The following WIPI1 variants were observed in gnomAD, a reference collection of about 807,000 sequenced individuals.
WIPI1 encodes WD repeat domain, phosphoinositide interacting 1, also known as WD repeat domain phosphoinositide-interacting protein 1.
A neutral mutation model predicts 55.3 loss-of-function variants in WIPI1; 45 were observed. The ratio of observed to expected loss-of-function variants is 0.81; its 90% CI spans 0.64 to 1.04. The LOEUF is 1.04. Ranked by LOEUF, WIPI1 falls within the 50% of genes least tolerant of loss-of-function variation. The pLI is 0.00. For synonymous variants in WIPI1, 195 were observed against 217.6 expected (o/e 0.90, Z 0.92); for missense variants, 445 against 559.0 (o/e 0.80, Z 2.06).
At chr17:68,448,437 C>T (rs895876192) in intron 3 of WIPI1, 5 of 152,118 alleles carry the variant, frequency 3.3e-5, no homozygotes, top group South Asian at 2.1e-4. Context: ...GATCTTGGTT[C>T]GTGGCTTTGC....
intron 4 of WIPI1, among the ~76,000 whole-genome samples, chr17:68,437,547 G>A (rs1344460126): frequency 6.0e-5 from 9 of 150,174 alleles, no homozygotes; most frequent in Non-Finnish European, 1.2e-4. Flanking sequence ...GTGAGGTTCT[G>A]TCTTAAGAAA....
intron 3 of WIPI1, among the ~76,000 whole-genome samples, chr17:68,444,996 C>T (rs1376837248): frequency 7.4e-5 from 11 of 148,226 alleles, no homozygotes; most frequent in Non-Finnish European, 1.3e-4. Context: ...TCTCAGCTCA[C>T]TGCAACCTCT....
intron 2 of WIPI1, among the ~76,000 whole-genome samples, chr17:68,452,160 C>T (rs2084523333): frequency 6.6e-6 from 1 of 152,240 alleles, no homozygotes; most frequent in Non-Finnish European, 1.5e-5. Context: ...CATGCTTCAA[C>T]ATCATTGACA....
intron 4 of WIPI1, among the ~76,000 whole-genome samples, chr17:68,444,066 A>G (rs537555824): frequency 1.3e-4 from 20 of 152,350 alleles, no homozygotes; most frequent in African/African-American, 4.3e-4. Flanking sequence ...CATATTCTTT[A>G]TGGTTCAGAT....
At chr17:68,430,520 C>A (rs554801760) in intron 8 of WIPI1, among the ~76,000 whole-genome samples, 1 of 152,254 alleles carries the variant, frequency 6.6e-6, no homozygotes, top group East Asian at 1.9e-4. Flanking sequence ...ATTAAATAAG[C>A]TTGGGACTGT....
At chr17:68,453,512 T>A (rs1012916404) in intron 1 of WIPI1, among the ~76,000 whole-genome samples, 2 of 148,890 alleles carry the variant, frequency 1.3e-5, no homozygotes, top group Admixed American at 1.4e-4. Flanking sequence ...GGAGTCTCGC[T>A]CTGTCACCCG....
chr17:68,429,523 G>T (rs1474833103), intron 9 of WIPI1, among the ~76,000 whole-genome samples: 1 of 152,170 alleles, frequency 6.6e-6, no homozygotes, highest in Non-Finnish European at 1.5e-5. Flanking sequence ...TGCCCCCTGA[G>T]AATCCGTATT....
intron 3 of WIPI1, among the ~76,000 whole-genome samples, chr17:68,447,984 CA>C (rs5821653): frequency 0.62 from 49,835 of 80,016 alleles, 12,952 homozygotes; most frequent in Middle Eastern, 0.69. Flanking sequence ...GACTCTATCT[CA>C]AAAAAAAAAA....
rs767664478 is a variant in WIPI1 at position 68,427,184 on chromosome 17, A to C, written c.1143T>G (p.Tyr381Ter). The C allele has an allele frequency of 3.7e-6, 6 of 1,614,084 alleles. No homozygotes were observed. Among genetic ancestry groups the C allele is most frequent in the Non-Finnish European group, 4.2e-6 (5 of 1,180,050 alleles). Residue 381 changes from tyrosine to a stop codon, truncating the protein, a stop_gained, in exon 11 of 13, where the codon TAT becomes TAG. Transcript: ENST00000262139. LOFTEE classifies it high-confidence loss of function. ...CACTTGGTCTGGCTACGGTCGCTGC[A>C]TAAGACTGAGGTAAGGAAGGTCTGA... ...NDLRPSLPQSYAATVARPSAS... is the reference protein window; with the variant it reads ...NDLRPSLPQS
At chr17:68,434,234 G>A (rs1057461464) in intron 7 of WIPI1, among the ~76,000 whole-genome samples, 5 of 152,110 alleles carry the variant, frequency 3.3e-5, no homozygotes, top group African/African-American at 9.7e-5. Context: ...ACTTTACATC[G>A]TCCTTTATTT....
intron 6 of WIPI1, among the ~76,000 whole-genome samples, chr17:68,435,381 G>A (rs550459004): frequency 7.9e-5 from 12 of 152,156 alleles, no homozygotes; most frequent in Non-Finnish European, 1.2e-4. Context: ...ATAAGACCAC[G>A]AGTTTTCATG....
At chr17:68,431,081 A>G (rs1329613343) in intron 8 of WIPI1, among the ~76,000 whole-genome samples, 2 of 152,154 alleles carry the variant, frequency 1.3e-5, no homozygotes, top group Admixed American at 6.5e-5. Flanking sequence ...TGTCTGTCCC[A>G]CAGCCCTGTG....
chr17:68,456,464 C>G (rs1437224178), intron 1 of WIPI1, among the ~76,000 whole-genome samples: 1 of 151,730 alleles, frequency 6.6e-6, no homozygotes, highest in Non-Finnish European at 1.5e-5. Flanking sequence ...AAAGATGATT[C>G]CATATGGTCC....
intron 1 of WIPI1, 78 bp from the exon 2 acceptor site, chr17:68,453,070 C>T: frequency 1.7e-6 from 2 of 1,205,540 alleles, no homozygotes; most frequent in Non-Finnish European, 2.4e-6. Context: ...ATGCCTTTTG[C>T]CCCCTAGCCT....
chr17:68,423,546 C>G lies in WIPI1; in HGVS notation c.1294-1726G>C, dbSNP rs116865057. 5.9e-3 allele frequency among the ~76,000 whole-genome samples: 894 copies of G among 152,332 alleles called. 4 individuals are homozygous for G. The highest frequency in any genetic ancestry group is 9.6e-3 in the Non-Finnish European group (651 of 68,020). The stretch of plus-strand genomic sequence containing the variant: ...CTAGGGACCTTGTTCAGTGACCACT[C>G]TCACTGGCAGGAAGTATTTCTTGCG... On this transcript the variant is annotated intron_variant, in intron 12 of 12. Transcript: ENST00000262139. The surrounding 1 kb of genome is among the most constrained non-coding windows in gnomAD (Gnocchi z 4.4).
intron 2 of WIPI1, 128 bp from the exon 3 acceptor site, chr17:68,451,025 C>G (rs2084480890): frequency 7.7e-7 from 1 of 1,305,632 alleles, no homozygotes; most frequent in Non-Finnish European, 1.0e-6. Flanking sequence ...GCCAGGCGCC[C>G]TCTCTGAGCT....
rs942429680 is a variant in WIPI1 at position 68,427,149 on chromosome 17, G to A, written c.1178C>T (p.Ala393Val). The A allele has an allele frequency of 1.9e-6, 3 of 1,614,000 alleles. No individual in the cohort carries two copies. Among genetic ancestry groups the A allele is most frequent in the Non-Finnish European group, 2.5e-6 (3 of 1,179,916 alleles). The part of the protein sequence containing the change: ...ATVARPSASS[A>V]STVPGYSEDG... Reference sequence around the variant, plus strand: ...TGTCCACCCACCTGGCACCGTGGAGGCTGAAGATGCACTTGGTCTGGCTAC... The same window carrying A: ...TGTCCACCCACCTGGCACCGTGGAGACTGAAGATGCACTTGGTCTGGCTAC... The change falls in exon 11 of 13, where the codon GCC (alanine) becomes GTC (valine). Residue 393 changes from alanine (A) to valine (V), a missense_variant. Physicochemically the swap from Ala to Val is moderately conservative, Grantham distance 64. Transcript: ENST00000262139.
At chr17:68,434,462 A>G in intron 7 of WIPI1, 94 bp downstream of exon 7, 1 of 1,335,604 alleles carries the variant, frequency 7.5e-7, no homozygotes, top group Non-Finnish European at 1.0e-6. Flanking sequence ...TGGAGGGCAC[A>G]GAGCCACTCT....
At chr17:68,424,592 C>T in intron 12 of WIPI1, 1 of 491,544 alleles carries the variant, frequency 2.0e-6, no homozygotes, top group Non-Finnish European at 4.2e-6. Flanking sequence ...AACACTACTT[C>T]CGGCCGGGTG....
Sources: gnomAD v4.1 joint callset for allele counts (sites outside exome capture counted in the v4.1 genomes callset) on GRCh38, gnomAD v4.1.1 for gene constraint, Gnocchi (gnomAD v3.1) non-coding constraint, MANE v1.5 for transcripts, NCBI Gene and HGNC (gene_info 2026-07-23, HGNC 2026-07-21) for gene names.